Variants in CFAP210 observed in about 807,000 individuals in gnomAD.
CFAP210 encodes the protein cilia and flagella associated protein 210, also known as cilia- and flagella- associated protein 210.
the CFAP210 span, chr2:169,657,982 AAAT>A: frequency 6.6e-6 from 1 of 152,142 alleles, no homozygotes. Context: ...AATGAGTAAA[AAAT>A]AAACTTTTCA....
chr2:169,645,612 A>G, the CFAP210 span: 2 of 467,562 alleles, frequency 4.3e-6, no homozygotes, highest in Non-Finnish European at 7.6e-6. Context: ...TGTACTTAAT[A>G]CCACTGAATG....
chr2:169,675,202 C>T, the CFAP210 span, among the ~76,000 whole-genome samples: 1 of 151,918 alleles, frequency 6.6e-6, no homozygotes, highest in South Asian at 2.1e-4. Flanking sequence ...ATTTTTTAGA[C>T]CGACCTTTTT....
the CFAP210 span, among the ~76,000 whole-genome samples, chr2:169,660,352 T>C: frequency 1.3e-5 from 2 of 150,864 alleles, no homozygotes; most frequent in Admixed American, 6.6e-5. Context: ...ATCACACCAT[T>C]GCACTCCAAC....
the CFAP210 span, among the ~76,000 whole-genome samples, chr2:169,685,691 A>G: frequency 6.7e-6 from 1 of 149,686 alleles, no homozygotes; most frequent in Non-Finnish European, 1.5e-5. Context: ...ATCCAAGATA[A>G]TAAAGATGTA....
the CFAP210 span, among the ~76,000 whole-genome samples, chr2:169,664,520 A>G: frequency 6.6e-6 from 1 of 152,248 alleles, no homozygotes; most frequent in Non-Finnish European, 1.5e-5. Context: ...AGCTGTCAAA[A>G]GGGACTTTTT....
chr2:169,668,327 T>G, the CFAP210 span, among the ~76,000 whole-genome samples: 1 of 152,232 alleles, frequency 6.6e-6, no homozygotes, highest in Non-Finnish European at 1.5e-5. Context: ...ATGTCAGGGC[T>G]GGTTTGAGCT....
chr2:169,679,594 T>C, the CFAP210 span, among the ~76,000 whole-genome samples: 5 of 145,226 alleles, frequency 3.4e-5, no homozygotes, highest in East Asian at 1.1e-3. Context: ...GGCAGGAGAA[T>C]GGCGTGAACC....
the CFAP210 span, among the ~76,000 whole-genome samples, chr2:169,664,777 A>G: frequency 1.3e-5 from 2 of 152,202 alleles, no homozygotes; most frequent in African/African-American, 4.8e-5. Flanking sequence ...ATCAGAGTTG[A>G]ATATGTCAAC....
chr2:169,647,953 C>G, the CFAP210 span, among the ~76,000 whole-genome samples: 1 of 151,854 alleles, frequency 6.6e-6, no homozygotes, highest in African/African-American at 2.4e-5. Context: ...GTCAGGAGTT[C>G]GAGACCAGCC....
the CFAP210 span, among the ~76,000 whole-genome samples, chr2:169,657,210 TAGAA>T: frequency 6.6e-6 from 1 of 151,808 alleles, no homozygotes; most frequent in African/African-American, 2.4e-5. Context: ...TCTAGAACAA[TAGAA>T]AGATAAAATG....
At chr2:169,672,103 T>A in the CFAP210 span, among the ~76,000 whole-genome samples, 1 of 152,222 alleles carries the variant, frequency 6.6e-6, no homozygotes, top group African/African-American at 2.4e-5. Context: ...GTAACATGCA[T>A]TCTGAATTCT....
chr2:169,684,450 T>G, the CFAP210 span, among the ~76,000 whole-genome samples: 50 of 152,224 alleles, frequency 3.3e-4, no homozygotes, highest in Non-Finnish European at 5.6e-4. Context: ...AAACTCTGTA[T>G]GCATTAGCAG....
At chr2:169,649,137 A>G in the CFAP210 span, 1 of 1,500,160 alleles carries the variant, frequency 6.7e-7, no homozygotes, top group South Asian at 1.3e-5. Flanking sequence ...ATTCTGTATT[A>G]TATACTTATT....
At chr2:169,645,700 A>G in the CFAP210 span, 1 of 643,790 alleles carries the variant, frequency 1.6e-6, no homozygotes, top group Non-Finnish European at 2.6e-6. Context: ...ATATATACCC[A>G]AAAGAAATAC....
chr2:169,673,400 A>G, the CFAP210 span, among the ~76,000 whole-genome samples: 1 of 152,226 alleles, frequency 6.6e-6, no homozygotes, highest in Admixed American at 6.5e-5. Context: ...TCCTCTGCCA[A>G]TGGCTTTGTC....
At chr2:169,669,858 A>G in the CFAP210 span, among the ~76,000 whole-genome samples, 787 of 152,134 alleles carry the variant, frequency 5.2e-3, 4 homozygotes, top group African/African-American at 0.018. Flanking sequence ...ATACTATGAG[A>G]CATTGAAATG....
the CFAP210 span, among the ~76,000 whole-genome samples, chr2:169,682,015 TCAACCTGAAG>T: frequency 6.6e-6 from 1 of 152,212 alleles, no homozygotes; most frequent in African/African-American, 2.4e-5. Context: ...GCTAATCAAC[TCAACCTGAAG>T]CCTGGAGTTC....
At chr2:169,668,990 A>G in the CFAP210 span, among the ~76,000 whole-genome samples, 3 of 152,220 alleles carry the variant, frequency 2.0e-5, no homozygotes, top group Admixed American at 6.5e-5. Context: ...GCAAAGTACA[A>G]TAAAGCAAAG....
chr2:169,662,454 T>G, the CFAP210 span: 2 of 1,556,854 alleles, frequency 1.3e-6, no homozygotes, highest in African/African-American at 2.8e-5. Flanking sequence ...AAAAACATAA[T>G]TATAATTGAG....
Sources: allele counts gnomAD v4.1 joint callset (sites outside exome capture counted in the v4.1 genomes callset), GRCh38; gene constraint gnomAD v4.1.1; transcripts MANE v1.5; gene names NCBI Gene and HGNC (gene_info 2026-07-23, HGNC 2026-07-21).